NRG1: variants seen among roughly 807,000 people sequenced by gnomAD.
NRG1 encodes the protein pro-neuregulin-1, membrane-bound isoform.
In NRG1, 18 loss-of-function variants were observed where a neutral mutation model predicts 63.8. The observed-to-expected ratio is 0.28, with a 90% CI of 0.19 to 0.42. NRG1 has a LOEUF of 0.42. NRG1 is among the 10% of genes least tolerant of loss of function. The pLI is 1.00. For synonymous variants in NRG1, 302 were observed against 301.3 expected, an observed-to-expected ratio of 1.00 and a Z score of -0.02; for missense variants, 762 against 814.7, an observed-to-expected ratio of 0.94 and a Z score of 0.79.
chr8:31,974,042 A>C (rs1807755198), intron 1 of NRG1, among the ~76,000 whole-genome samples: 1 of 152,200 alleles, frequency 6.6e-6, no homozygotes, highest in South Asian at 2.1e-4. Context: ...CTCTTTTGTC[A>C]GTGCTGAAAA....
At chr8:32,383,548 A>G (rs2129483477) in intron 1 of NRG1, among the ~76,000 whole-genome samples, 1 of 152,342 alleles carries the variant, frequency 6.6e-6, no homozygotes, top group East Asian at 1.9e-4. Flanking sequence ...ATCTAAATGA[A>G]GACAGACATA....
At chr8:32,440,339 A>C (rs4129580) in intron 1 of NRG1, among the ~76,000 whole-genome samples, 40,662 of 151,878 alleles carry the variant, frequency 0.27, 6,540 homozygotes, top group East Asian at 0.74. Flanking sequence ...TTTTTGGTAG[A>C]TATGGAGTGT....
intron 1 of NRG1, among the ~76,000 whole-genome samples, chr8:32,359,076 G>A (rs1358857772): frequency 2.6e-5 from 4 of 152,116 alleles, no homozygotes; most frequent in Non-Finnish European, 4.4e-5. Flanking sequence ...CTGCTAGAGA[G>A]ATGGTGGGTG....
intron 1 of NRG1, among the ~76,000 whole-genome samples, chr8:32,513,835 G>C (rs1310242805): frequency 6.6e-6 from 1 of 152,044 alleles, no homozygotes; most frequent in Non-Finnish European, 1.5e-5. Context: ...GAATAGGGAA[G>C]TATTGGTTTT....
intron 1 of NRG1, among the ~76,000 whole-genome samples, chr8:32,060,562 A>T (rs1823679410): frequency 6.6e-6 from 1 of 151,896 alleles, no homozygotes; most frequent in African/African-American, 2.4e-5. Flanking sequence ...GGGGGGTTGC[A>T]TGATTATTAT....
intron 1 of NRG1, among the ~76,000 whole-genome samples, chr8:32,031,604 T>C (rs915522453): frequency 6.6e-6 from 1 of 152,120 alleles, no homozygotes; most frequent in African/African-American, 2.4e-5. Context: ...ATCCTGATGA[T>C]CTCCCTCCTC....
At chr8:32,211,854 C>T (rs1021341699) in intron 1 of NRG1, among the ~76,000 whole-genome samples, 12 of 152,100 alleles carry the variant, frequency 7.9e-5, no homozygotes, top group African/African-American at 2.9e-4. Context: ...GAACCACCTC[C>T]TCCCATACTA....
chr8:31,777,094 GC>G (rs1819223079), intron 1 of NRG1, among the ~76,000 whole-genome samples: 1 of 152,044 alleles, frequency 6.6e-6, no homozygotes, highest in Non-Finnish European at 1.5e-5. Context: ...TCCTTTAATT[GC>G]CCTTATGAGA....
intron 1 of NRG1, among the ~76,000 whole-genome samples, chr8:32,166,180 A>G (rs16878912): frequency 0.029 from 4,382 of 152,228 alleles, 183 homozygotes; most frequent in African/African-American, 0.099. Context: ...TTTATTTGCT[A>G]TACCCTTGTG....
Position 32,664,802 on chromosome 8 carries a change from G to T in NRG1, c.502+47917G>T, listed in dbSNP as rs541755797. On this transcript the variant is annotated intron_variant, in intron 5 of 11. Transcript: ENST00000356819. ...ATTCCATGCACATTAGTAATTTAGC[G>T]GTTGTTAGATTAATGAATCTCTGAG... Among the ~76,000 whole-genome samples, 5 of 152,066 alleles carry T rather than the reference G, an allele frequency of 3.3e-5. 1 individual carries two copies. Among genetic ancestry groups the T allele is most frequent in the African/African-American group, 1.2e-4 (5 of 41,406 alleles).
intron 6 of NRG1, among the ~76,000 whole-genome samples, chr8:32,730,290 A>G (rs1026905058): frequency 1.3e-5 from 2 of 152,032 alleles, no homozygotes; most frequent in East Asian, 1.9e-4. Flanking sequence ...GCTACAAAAA[A>G]TACAGAAAAA....
intron 1 of NRG1, among the ~76,000 whole-genome samples, chr8:32,055,728 GTCTT>G (rs1370706206): frequency 1.8e-5 from 1 of 54,180 alleles, no homozygotes; most frequent in Admixed American, 2.0e-4. Flanking sequence ...TTAAAATAAC[GTCTT>G]TCTTATATCT....
chr8:31,987,296 C>CAA (rs573116880), intron 1 of NRG1, among the ~76,000 whole-genome samples: 48 of 77,896 alleles, frequency 6.2e-4, no homozygotes, highest in African/African-American at 1.7e-3. Flanking sequence ...GAGACTGTCT[C>CAA]AAAAAAAAAA....
chr8:32,006,274 G>A (rs374639351), intron 1 of NRG1, among the ~76,000 whole-genome samples: 9 of 152,080 alleles, frequency 5.9e-5, no homozygotes, highest in African/African-American at 2.2e-4. Context: ...ATCTTTAACA[G>A]CCTGGCCAAA....
intron 1 of NRG1, among the ~76,000 whole-genome samples, chr8:32,307,961 G>A (rs1017842150): frequency 6.6e-6 from 1 of 152,166 alleles, no homozygotes; most frequent in Non-Finnish European, 1.5e-5. Context: ...AGATAGATGA[G>A]GGTTATCAGG....
intron 1 of NRG1, among the ~76,000 whole-genome samples, chr8:32,165,327 A>G (rs924201399): frequency 2.0e-5 from 3 of 151,878 alleles, no homozygotes; most frequent in Admixed American, 6.6e-5. Flanking sequence ...ACATTTTTGT[A>G]GAGATAGAGT....
intron 4 of NRG1, among the ~76,000 whole-genome samples, chr8:32,615,142 A>T (rs2129541617): frequency 6.6e-6 from 1 of 152,272 alleles, no homozygotes; most frequent in South Asian, 2.1e-4. Context: ...GATATTAGCA[A>T]CTTAGAACCC....
At position 32,605,429 on chromosome 8, in the gene NRG1, G is replaced by C. The variant is rs897408111; in HGVS notation, c.279-133G>C. The C allele has an allele frequency of 2.8e-5, 27 of 953,498 alleles. No homozygotes were observed. The African/African-American group carries it at 3.2e-4, about 11-fold the overall frequency. 59.1% of individuals were successfully genotyped at this position (953,498 alleles called of 1,614,324 possible). ...ATCATGAGGTCAGATCAATGTAACG[G>C]AAGTTGTATTTTAACATATGTATAA... is the stretch of plus-strand genomic sequence containing the variant. On this transcript the variant is annotated intron_variant, in intron 2 of 11. Transcript: ENST00000356819.
intron 1 of NRG1, among the ~76,000 whole-genome samples, chr8:31,719,661 G>T (rs1281028208): frequency 6.6e-6 from 1 of 152,090 alleles, no homozygotes; most frequent in African/African-American, 2.4e-5. Flanking sequence ...CATTTTGAAG[G>T]TCAACTGGGG....
Sources: gnomAD v4.1 joint callset for allele counts (sites outside exome capture counted in the v4.1 genomes callset) on GRCh38, gnomAD v4.1.1 for gene constraint, MANE v1.5 for transcripts, NCBI Gene and HGNC (gene_info 2026-07-23, HGNC 2026-07-21) for gene names.